ABAT: variants seen among roughly 807,000 people sequenced by gnomAD.
ABAT encodes the protein 4-aminobutyrate aminotransferase, mitochondrial.
A neutral mutation model predicts 64.6 loss-of-function variants in ABAT; 45 were observed. The ratio of observed to expected loss-of-function variants is 0.70; its 90% CI spans 0.55 to 0.89. The LOEUF (loss-of-function observed/expected upper bound fraction) is 0.89, where lower values mean the gene tolerates loss of function less well. ABAT is among the 40% of genes least tolerant of loss of function. The pLI, the probability that ABAT is intolerant of heterozygous loss-of-function variation, is 0.00. For missense variants in ABAT, 633 were observed against 658.4 expected (o/e 0.96, Z 0.42); for synonymous variants, 297 against 250.5 (o/e 1.19, Z -1.75).
rs541577393 is a variant in ABAT at position 8,757,155 on chromosome 16, G to T, written c.317-602G>T. On this transcript the variant is annotated intron_variant, in intron 5 of 15. Coordinates refer to ENST00000268251, the MANE Select transcript of ABAT (RefSeq NM_020686.6). ...CCAGCCCCAGGCTTGAAATTTTCTT[G>T]CATTTATCTCCCTTTTTATTTATTT... The T allele has an allele frequency of 9.2e-5, 42 of 454,130 alleles. 1 individual carries two copies. In the Admixed American group the frequency reaches 9.7e-4, roughly 10 times the overall value. 28.1% of individuals were successfully genotyped at this position (454,130 alleles called of 1,614,324 possible).
At position 8,745,993 on chromosome 16, in the gene ABAT, T is replaced by G; in HGVS notation, c.71-8T>G. The G allele has an allele frequency of 3.1e-6, 5 of 1,613,254 alleles. No individual in the cohort carries two copies. Among genetic ancestry groups the G allele is most frequent in the Non-Finnish European group, 4.2e-6 (5 of 1,179,282 alleles). ...CCAGGGATTTCTCATTGTCTTTGTT[T>G]ACTGCAGGATCCAGACACATTAGTC... is the stretch of plus-strand genomic sequence containing the variant. On this transcript the variant is annotated splice_polypyrimidine_tract_variant and splice_region_variant and intron_variant, in intron 2 of 15. Coordinates refer to ENST00000268251, the MANE Select transcript of ABAT (RefSeq NM_020686.6).
At chr16:8,712,461 TG>T (rs2058098396) in intron 1 of ABAT, among the ~76,000 whole-genome samples, 1 of 152,196 alleles carries the variant, frequency 6.6e-6, no homozygotes, top group Non-Finnish European at 1.5e-5. Flanking sequence ...TGCTGTGCAT[TG>T]GAAAGTTTCA....
chr16:8,738,490 G>A (rs1160083269), intron 2 of ABAT: 1 of 455,408 alleles, frequency 2.2e-6, no homozygotes, highest in East Asian at 7.0e-5. Context: ...CATCTTCCAT[G>A]GCCTCCTCTG....
intron 2 of ABAT, among the ~76,000 whole-genome samples, chr16:8,744,990 T>C (rs1443921725): frequency 6.6e-6 from 1 of 152,038 alleles, no homozygotes; most frequent in African/African-American, 2.4e-5. Context: ...TTCCCTTTGT[T>C]TTTTGTTTGT....
chr16:8,742,266 C>T (rs939273835), intron 2 of ABAT, among the ~76,000 whole-genome samples: 5 of 152,222 alleles, frequency 3.3e-5, no homozygotes, highest in Admixed American at 1.3e-4. Context: ...TCCATTCAGC[C>T]GCAGCTCCCC....
At chr16:8,720,278 C>G (rs895346540) in intron 1 of ABAT, among the ~76,000 whole-genome samples, 1 of 152,312 alleles carries the variant, frequency 6.6e-6, no homozygotes, top group Non-Finnish European at 1.5e-5. Flanking sequence ...GAAACTAAGG[C>G]ACTGATGAGT....
chr16:8,731,696 C>T (rs930864421), intron 1 of ABAT: 1 of 151,736 alleles, frequency 6.6e-6, no homozygotes, highest in Non-Finnish European at 1.5e-5. Flanking sequence ...CCATCTTCAC[C>T]ATTTTCAAGT....
At chr16:8,738,010 A>AAGAAAGAG (rs2059026261) in intron 2 of ABAT, among the ~76,000 whole-genome samples, 1 of 106,778 alleles carries the variant, frequency 9.4e-6, no homozygotes, top group Admixed American at 9.0e-5. Flanking sequence ...GAAAGAAAGA[A>AAGAAAGAG]AGAAAGGAAA....
At chr16:8,732,267 A>C (rs2058748873) in intron 1 of ABAT, among the ~76,000 whole-genome samples, 1 of 141,546 alleles carries the variant, frequency 7.1e-6, no homozygotes, top group African/African-American at 2.8e-5. Flanking sequence ...TGTTTCTCAC[A>C]GAGGGGGATT....
chr16:8,764,119 T>C lies in ABAT; in HGVS notation c.417T>C (p.Phe139=), dbSNP rs2142919912. 1.2e-6 allele frequency: 2 copies of C among 1,613,434 alleles called. No individual in the cohort carries two copies. The highest frequency in any genetic ancestry group is 2.2e-5 in the East Asian group (1 of 44,834). ...TCGGAATCCTGCCTCCGGAGAACTT[T>C]GTGGAGAAGCTCCGGCAGTCCTTGC... ...PALGILPPEN[F]VEKLRQSLLS... Residue 139 remains phenylalanine, a synonymous_variant, in exon 7 of 16, where the codon TTT becomes TTC. Transcript: ENST00000268251. The surrounding 1 kb of genome is among the most constrained non-coding windows in gnomAD (Gnocchi z 4.2).
chr16:8,743,032 T>C (rs2059210355), intron 2 of ABAT, among the ~76,000 whole-genome samples: 1 of 128,936 alleles, frequency 7.8e-6, no homozygotes, highest in Non-Finnish European at 1.7e-5. Context: ...AAAAAAGTCA[T>C]CGATATGTTC....
rs546459894 is a variant in ABAT at position 8,745,089 on chromosome 16, C to A, written c.71-912C>A. On this transcript the variant is annotated intron_variant, in intron 2 of 15. Coordinates refer to ENST00000268251, the MANE Select transcript of ABAT (RefSeq NM_020686.6). ...CCTCAACCTCTCAGGCTGAAGCAATCCTCCCACCTCAGCCTCCCAAGTAGC... is the reference window on the plus strand; with the variant it reads ...CCTCAACCTCTCAGGCTGAAGCAATACTCCCACCTCAGCCTCCCAAGTAGC... Among the ~76,000 whole-genome samples, 8 of 152,118 alleles carry A rather than the reference C, an allele frequency of 5.3e-5. No individual in the cohort carries two copies. The East Asian group carries it at 1.6e-3, about 30-fold the overall frequency.
chr16:8,754,179 T>TAAAAAAAAAAAAAAAAAAAAAAAAAA (rs750745519), intron 5 of ABAT, among the ~76,000 whole-genome samples: 1 of 63,822 alleles, frequency 1.6e-5, no homozygotes, highest in African/African-American at 5.5e-5. Flanking sequence ...ACCCTGTCTA[T>TAAAAAAAAAAAAAAAAAAAAAAAAAA]AAAAAAAAAA....
intron 1 of ABAT, among the ~76,000 whole-genome samples, chr16:8,684,271 C>T (rs1372669512): frequency 6.6e-6 from 1 of 151,968 alleles, no homozygotes; most frequent in Non-Finnish European, 1.5e-5. Flanking sequence ...AAGAAAATCG[C>T]AGGGGAAAAA....
chr16:8,682,727 G>A (rs1388228203), intron 1 of ABAT, among the ~76,000 whole-genome samples: 2 of 152,106 alleles, frequency 1.3e-5, no homozygotes, highest in Non-Finnish European at 2.9e-5. Context: ...CTGTCCCTGG[G>A]CTGCACTGAG....
chr16:8,757,057 A>T, intron 5 of ABAT: 1 of 424,066 alleles, frequency 2.4e-6, no homozygotes, highest in South Asian at 1.7e-5. Context: ...GACTCAGCCC[A>T]TGGGCGCTGG....
chr16:8,743,925 A>G (rs940277418), intron 2 of ABAT, among the ~76,000 whole-genome samples: 2 of 152,044 alleles, frequency 1.3e-5, no homozygotes, highest in Non-Finnish European at 2.9e-5. Context: ...CCTGACAGTA[A>G]ACCCTCACAC....
intron 1 of ABAT, among the ~76,000 whole-genome samples, chr16:8,710,727 A>AGAGAGAGAGAGAGAGAGGAGAGGGAGG (rs146344975): frequency 1.1e-4 from 11 of 103,676 alleles, no homozygotes; most frequent in Non-Finnish European, 2.1e-4. Flanking sequence ...AGAGAGAGAG[A>AGAGAGAGAGAGAGAGAGGAGAGGGAGG]GAGGAAATAG....
At chr16:8,716,306 C>T (rs1417845225) in intron 1 of ABAT, among the ~76,000 whole-genome samples, 16 of 151,844 alleles carry the variant, frequency 1.1e-4, no homozygotes, top group Admixed American at 1.0e-3. Context: ...CTTTTTTTTG[C>T]TACGAGTGGA....
Sources: gnomAD v4.1 joint callset for allele counts (sites outside exome capture counted in the v4.1 genomes callset) on GRCh38, gnomAD v4.1.1 for gene constraint, Gnocchi (gnomAD v3.1) non-coding constraint, MANE v1.5 for transcripts, NCBI Gene and HGNC (gene_info 2026-07-23, HGNC 2026-07-21) for gene names.